The following CRACDL variants were observed in gnomAD, a reference collection of about 807,000 sequenced individuals.
CRACDL encodes the protein CRACD-like protein.
Under a neutral mutation model 70.6 loss-of-function variants are expected in CRACDL, and 26 were observed. That is an observed-to-expected ratio of 0.37 (90% CI 0.27 to 0.51). The LOEUF (loss-of-function observed/expected upper bound fraction) is 0.51. Ranked by LOEUF, CRACDL falls within the 20% of genes least tolerant of loss-of-function variation. The probability of loss-of-function intolerance (pLI) is 0.94; values close to 1 mark genes in which losing one functional copy is unlikely to be tolerated. For synonymous variants in CRACDL, 618 were observed against 615.2 expected, an observed-to-expected ratio of 1.00 and a Z score of -0.07; for missense variants, 1,283 against 1,376.9, an observed-to-expected ratio of 0.93 and a Z score of 1.08.
intron 5 of CRACDL, among the ~76,000 whole-genome samples, chr2:98,831,935 G>A (rs992869083): frequency 6.6e-6 from 1 of 152,094 alleles, no homozygotes; most frequent in Admixed American, 6.5e-5. Flanking sequence ...AGGCACCGGA[G>A]ACCATCAGAG....
chr2:98,878,049 C>T (rs778026830), intron 1 of CRACDL, among the ~76,000 whole-genome samples: 3 of 151,244 alleles, frequency 2.0e-5, no homozygotes, highest in Non-Finnish European at 4.4e-5. Context: ...CAGGTTCAAG[C>T]GATTCTCCTG....
At chr2:98,869,907 T>C (rs912362912) in intron 1 of CRACDL, among the ~76,000 whole-genome samples, 1 of 152,192 alleles carries the variant, frequency 6.6e-6, no homozygotes, top group African/African-American at 2.4e-5. Flanking sequence ...CCACTCATTG[T>C]TGCACTGATG....
At position 98,822,997 on chromosome 2, in the gene CRACDL, A is replaced by G. The variant is rs372545695; in HGVS notation, c.1276T>C (p.Ser426Pro). Residue 426 changes from serine (S) to proline (P), a missense_variant, in exon 7 of 10, where the codon TCT (serine) becomes CCT (proline). Coordinates refer to ENST00000397899, the MANE Select transcript of CRACDL (RefSeq NM_207362.3). The surrounding 1 kb of genome is among the most constrained non-coding windows in gnomAD (Gnocchi z 4.9). ...TDPAATSEAPSARDGPERSVP... is the reference protein window; with the variant it reads ...TDPAATSEAPPARDGPERSVP... ...CTGCGTTCTGGCCCGTCGCGAGCAG[A>G]GGGCGCCTCTGAGGTGGCGGCGGGG... The G allele has an allele frequency of 6.7e-7, 1 of 1,494,980 alleles. No individual in the cohort carries two copies. Among genetic ancestry groups the G allele is most frequent in the East Asian group, 2.7e-5 (1 of 36,818 alleles). The allele number at this position is 1,494,980 out of a possible 1,614,324, so 92.6% of individuals were successfully genotyped here.
chr2:98,875,238 A>G (rs1707455001), intron 1 of CRACDL, among the ~76,000 whole-genome samples: 1 of 152,166 alleles, frequency 6.6e-6, no homozygotes, highest in Non-Finnish European at 1.5e-5. Context: ...CGGGCCCTTC[A>G]CTCAGCACAT....
chr2:98,828,357 C>T (rs1365011586), intron 5 of CRACDL, among the ~76,000 whole-genome samples: 2 of 152,232 alleles, frequency 1.3e-5, no homozygotes, highest in Admixed American at 1.3e-4. Flanking sequence ...ATATTAGTGT[C>T]AAGTTTCCAT....
At chr2:98,852,117 G>A (rs896494130) in intron 1 of CRACDL, among the ~76,000 whole-genome samples, 1 of 152,124 alleles carries the variant, frequency 6.6e-6, no homozygotes, top group Non-Finnish European at 1.5e-5. Context: ...GGCTGCCAGA[G>A]CAGATGGAAA....
intron 7 of CRACDL, among the ~76,000 whole-genome samples, chr2:98,802,113 G>C (rs1355063620): frequency 1.3e-5 from 2 of 152,230 alleles, no homozygotes; most frequent in African/African-American, 4.8e-5. Flanking sequence ...TCAATGCTGT[G>C]TGTGCCAGTC....
chr2:98,824,778 G>A (rs905883629), intron 6 of CRACDL, among the ~76,000 whole-genome samples: 1 of 152,176 alleles, frequency 6.6e-6, no homozygotes, highest in African/African-American at 2.4e-5. Flanking sequence ...TAGGATGCCT[G>A]GGATGTTTGT....
intron 1 of CRACDL, among the ~76,000 whole-genome samples, chr2:98,881,563 G>T (rs908191180): frequency 3.9e-5 from 6 of 152,224 alleles, no homozygotes; most frequent in African/African-American, 1.2e-4. Flanking sequence ...ATTTTGGAAT[G>T]CAGGCAGAGT....
chr2:98,935,312 G>C (rs1664450631), intron 1 of CRACDL, among the ~76,000 whole-genome samples: 1 of 152,154 alleles, frequency 6.6e-6, no homozygotes, highest in Non-Finnish European at 1.5e-5. Context: ...CACTGCTTCT[G>C]ACTTGCATTT....
At chr2:98,934,195 C>A (rs892769082) in intron 1 of CRACDL, among the ~76,000 whole-genome samples, 62 of 80,078 alleles carry the variant, frequency 7.7e-4, no homozygotes, top group Non-Finnish European at 1.2e-3. Context: ...AAGATTCATC[C>A]TTTTTTTTTT....
At chr2:98,819,516 T>C (rs1205364167) in intron 7 of CRACDL, among the ~76,000 whole-genome samples, 3 of 152,340 alleles carry the variant, frequency 2.0e-5, no homozygotes, top group Non-Finnish European at 2.9e-5. Context: ...ATTATCCTAC[T>C]GCAGTGGCAG....
chr2:98,895,506 A>C (rs1708096372), intron 1 of CRACDL, among the ~76,000 whole-genome samples: 1 of 152,178 alleles, frequency 6.6e-6, no homozygotes. Context: ...AGAGGCCCGG[A>C]GGCAGGGGGG....
chr2:98,906,911 G>C (rs901310552), intron 1 of CRACDL, among the ~76,000 whole-genome samples: 12 of 152,176 alleles, frequency 7.9e-5, no homozygotes, highest in African/African-American at 2.7e-4. Flanking sequence ...GGCTAGAGCA[G>C]TCTTATTCCT....
rs144047082 is a variant in CRACDL at position 98,824,113 on chromosome 2, A to G, written c.736-576T>C. Among the ~76,000 whole-genome samples the G allele has an allele frequency of 4.9e-3, 750 of 152,312 alleles. 7 individuals are homozygous for G. The highest frequency in any genetic ancestry group is 0.017 in the African/African-American group (718 of 41,556). On this transcript the variant is annotated intron_variant, in intron 6 of 9. Transcript: ENST00000397899. ...GTTTTCCTAAAAGATGGCTCATATCATGCCAATAGCTAACCATGGCTTATA... is the reference window on the plus strand; with the variant it reads ...GTTTTCCTAAAAGATGGCTCATATCGTGCCAATAGCTAACCATGGCTTATA...
Position 98,822,612 on chromosome 2 carries a change from CT to C in CRACDL, c.1660del (p.Arg554GlyfsTer150). 1.5e-6 allele frequency: 2 copies of C among 1,378,986 alleles called. No homozygotes were observed. The highest frequency in any genetic ancestry group is 1.9e-6 in the Non-Finnish European group (2 of 1,075,264). The allele number at this position is 1,378,986 out of a possible 1,614,324, so 85.4% of individuals were successfully genotyped here. ...RAEAPPAGAE[R>X]AAPERKAERG... ...CTCCGCCTTCCGCTCTGGCGCCGCC[CT>C]CTCGGCGCCCGCCGGTGGCGCCTCG... On this transcript the variant is annotated frameshift_variant, in exon 7 of 10. Coordinates refer to ENST00000397899, the MANE Select transcript of CRACDL (RefSeq NM_207362.3). LOFTEE classifies it high-confidence loss of function. This position sits in a 1 kb window ranked among gnomAD's most constrained non-coding sequence, Gnocchi z 4.9.
intron 1 of CRACDL, among the ~76,000 whole-genome samples, chr2:98,897,830 C>A (rs911834745): frequency 6.6e-6 from 1 of 152,214 alleles, no homozygotes; most frequent in African/African-American, 2.4e-5. Flanking sequence ...GTACTAAAAA[C>A]AGAGACAGGG....
chr2:98,901,470 T>C (rs1411827253), intron 1 of CRACDL, among the ~76,000 whole-genome samples: 1 of 152,194 alleles, frequency 6.6e-6, no homozygotes, highest in Non-Finnish European at 1.5e-5. Flanking sequence ...GCAGAGCAGA[T>C]GACCTGGGTG....
chr2:98,816,380 T>A (rs942474099), intron 7 of CRACDL, among the ~76,000 whole-genome samples: 3 of 152,184 alleles, frequency 2.0e-5, no homozygotes, highest in African/African-American at 7.2e-5. Flanking sequence ...GTGATTTTAC[T>A]ATCATTTTTA....
Sources: allele counts gnomAD v4.1 joint callset (sites outside exome capture counted in the v4.1 genomes callset), GRCh38; gene constraint gnomAD v4.1.1; non-coding constraint Gnocchi (gnomAD v3.1); transcripts MANE v1.5; gene names NCBI Gene and HGNC (gene_info 2026-07-23, HGNC 2026-07-21).